OPRM1: variants seen among roughly 807,000 people sequenced by gnomAD.
OPRM1 encodes mu-type opioid receptor.
OPRM1 carries 27 observed loss-of-function variants against 31.8 expected under a neutral mutation model. The ratio of observed to expected loss-of-function variants is 0.85; its 90% CI spans 0.63 to 1.17. The LOEUF is 1.17. Among genes scored for constraint, OPRM1 ranks in the 50% most tolerant of loss-of-function variants. The probability of loss-of-function intolerance (pLI) is 0.00; values close to 1 mark genes in which losing one functional copy is unlikely to be tolerated. For missense variants in OPRM1, 536 were observed against 511.1 expected (o/e 1.05, Z -0.47); for synonymous variants, 196 against 189.9 (o/e 1.03, Z -0.26).
intron 3 of OPRM1, among the ~76,000 whole-genome samples, chr6:154,169,234 G>T (rs1799680194): frequency 6.6e-6 from 1 of 152,112 alleles, no homozygotes; most frequent in Admixed American, 6.5e-5. Flanking sequence ...GGTGGTGCGT[G>T]CCTGTCATCC....
chr6:154,213,601 C>T (rs1284144645), intron 3 of OPRM1, among the ~76,000 whole-genome samples: 1 of 152,172 alleles, frequency 6.6e-6, no homozygotes, highest in Non-Finnish European at 1.5e-5. Context: ...CTTCCAATTT[C>T]CAAGGCCTTT....
intron 1 of OPRM1, among the ~76,000 whole-genome samples, chr6:154,064,453 T>C (rs1480100782): frequency 6.6e-6 from 1 of 152,192 alleles, no homozygotes; most frequent in Non-Finnish European, 1.5e-5. Context: ...TTTTACTACA[T>C]GGATAGTGTC....
chr6:154,214,749 A>T (rs1045704505), intron 3 of OPRM1, among the ~76,000 whole-genome samples: 2 of 152,242 alleles, frequency 1.3e-5, no homozygotes, highest in African/African-American at 4.8e-5. Flanking sequence ...CAGTAAAAAA[A>T]ATCTGGCTAG....
At chr6:154,158,583 G>A (rs1798806424) in intron 3 of OPRM1, 1 of 152,062 alleles carries the variant, frequency 6.6e-6, no homozygotes, top group South Asian at 2.1e-4. Flanking sequence ...TGGGGGTTGG[G>A]GTGGGGAAGA....
At chr6:154,114,214 C>G (rs550381902) in intron 3 of OPRM1, among the ~76,000 whole-genome samples, 97 of 152,278 alleles carry the variant, frequency 6.4e-4, no homozygotes, top group Non-Finnish European at 5.7e-4. Flanking sequence ...CTTCCTTTCT[C>G]TTAGGAGAGC....
chr6:154,024,613 T>C (rs371868000), intron 1 of OPRM1, among the ~76,000 whole-genome samples: 2 of 152,032 alleles, frequency 1.3e-5, no homozygotes, highest in Admixed American at 6.5e-5. Flanking sequence ...GTTTTCCTAA[T>C]TCTTTAAGAT....
chr6:154,208,225 TC>T (rs1482740347), intron 3 of OPRM1, among the ~76,000 whole-genome samples: 14 of 152,084 alleles, frequency 9.2e-5, no homozygotes, highest in Non-Finnish European at 1.8e-4. Context: ...ACTACTCTCA[TC>T]TTGGTTCACC....
intron 1 of OPRM1, among the ~76,000 whole-genome samples, chr6:154,019,306 G>T (rs951833865): frequency 2.7e-5 from 4 of 147,012 alleles, no homozygotes; most frequent in Non-Finnish European, 1.5e-5. Context: ...TATGACCATT[G>T]CTCCCTCACA....
chr6:154,068,548 A>G (rs1418490622), intron 1 of OPRM1, among the ~76,000 whole-genome samples: 1 of 152,010 alleles, frequency 6.6e-6, no homozygotes, highest in Non-Finnish European at 1.5e-5. Flanking sequence ...CTTCTTTTTT[A>G]TGGCTAAGTC....
At position 154,093,240 on chromosome 6, in the gene OPRM1, A is replaced by C. The variant is rs9282821; in HGVS notation, c.1164+1768A>C. The C allele has an allele frequency of 0.59, 917,982 of 1,566,816 alleles. 272,523 individuals are homozygous for C. The highest frequency in any genetic ancestry group is 0.78 in the East Asian group (34,402 of 43,978). On this transcript the variant is annotated intron_variant, in intron 3 of 3. Coordinates refer to ENST00000330432, the MANE Select transcript of OPRM1 (RefSeq NM_000914.5). ...TTTCCATTGGAGCAAAATAATGGCC[A>C]TTATAAAGTACTGACTCTTTCTCCT...
intron 1 of OPRM1, among the ~76,000 whole-genome samples, chr6:154,056,417 C>G (rs774082060): frequency 6.6e-5 from 10 of 151,720 alleles, no homozygotes; most frequent in Non-Finnish European, 1.3e-4. Context: ...CCAACGCGCC[C>G]GGCCTGATGG....
rs1797642875 is a variant in OPRM1, at chr6:154,127,229, T to C, written c.*8508T>C. ...ACCATAGTGATACATGTGGCTTTTCTTTGCTGTGTTCTGAGATGTCATGCT... is the reference window on the plus strand; with the variant it reads ...ACCATAGTGATACATGTGGCTTTTCCTTGCTGTGTTCTGAGATGTCATGCT... On this transcript the variant is annotated 3_prime_UTR_variant, in exon 4 of 4. Coordinates refer to ENST00000330432, the MANE Select transcript of OPRM1 (RefSeq NM_000914.5). Among the ~76,000 whole-genome samples the C allele has an allele frequency of 6.6e-6, 1 of 152,190 alleles. No individual in the cohort carries two copies. Among genetic ancestry groups the C allele is most frequent in the African/African-American group, 2.4e-5 (1 of 41,456 alleles).
In OPRM1 at chr6:154,070,663, G is replaced by C. The variant is rs375357557; in HGVS notation, c.291-19163G>C. Among the ~76,000 whole-genome samples the C allele has an allele frequency of 5.9e-5, 9 of 152,268 alleles. No homozygotes were observed. In the East Asian group the frequency reaches 1.2e-3, roughly 20 times the overall value. On this transcript the variant is annotated intron_variant, in intron 1 of 3. Coordinates refer to ENST00000330432, the MANE Select transcript of OPRM1 (RefSeq NM_000914.5). Reference sequence around the variant, plus strand: ...TTACATTTATGGAAATTGGGACTCAGCAACTTGACTAACATCACAGACACA... The same window carrying C: ...TTACATTTATGGAAATTGGGACTCACCAACTTGACTAACATCACAGACACA...
In OPRM1 at chr6:154,186,529, C is replaced by T. The variant is rs565864653; in HGVS notation, c.1165-60164C>T. ...GCAGATGCTCCCTCATGTCCGTGCA[C>T]GGAGCCAGAGCAGCTCCTTTCTTTC... On this transcript the variant is annotated intron_variant, in intron 3 of 3. Transcript: ENST00000337049. Among the ~76,000 whole-genome samples, 5 of 152,208 alleles carry T rather than the reference C, an allele frequency of 3.3e-5. No individual in the cohort carries two copies. The East Asian group carries it at 7.7e-4, about 24-fold the overall frequency.
At chr6:154,190,628 A>G (rs1562531805) in intron 3 of OPRM1, among the ~76,000 whole-genome samples, 1 of 152,218 alleles carries the variant, frequency 6.6e-6, no homozygotes, top group Non-Finnish European at 1.5e-5. Context: ...ACATACTCTT[A>G]CCATACAATC....
At position 154,216,125 on chromosome 6, in the gene OPRM1, A is replaced by T. The variant is rs192849614; in HGVS notation, c.1165-30568A>T. Among the ~76,000 whole-genome samples, 1,211 of 152,336 alleles carry T rather than the reference A, an allele frequency of 7.9e-3. 11 individuals are homozygous for T. Among genetic ancestry groups the T allele is most frequent in the Non-Finnish European group, 8.5e-3 (577 of 68,032 alleles). ...TCACCCAACAATTCCAATCATAAAT[A>T]TCAATCCTATAGAAACACACTTTCA... On this transcript the variant is annotated intron_variant, in intron 3 of 3. Transcript: ENST00000337049.
intron 1 of OPRM1, among the ~76,000 whole-genome samples, chr6:154,058,364 C>G: frequency 6.6e-6 from 1 of 152,140 alleles, no homozygotes; most frequent in Non-Finnish European, 1.5e-5. Flanking sequence ...ATTGGGTCAG[C>G]ATTCTAGTTG....
At chr6:154,054,611 T>C (rs1782868319) in intron 1 of OPRM1, among the ~76,000 whole-genome samples, 2 of 152,248 alleles carry the variant, frequency 1.3e-5, no homozygotes, top group African/African-American at 4.8e-5. Context: ...TTTAAGGGGT[T>C]ATTTATAGAA....
Position 154,039,472 on chromosome 6 carries a change from G to A in OPRM1, c.-73G>A, listed in dbSNP as rs1177830334. The A allele has an allele frequency of 6.4e-7, 1 of 1,555,276 alleles. No homozygotes were observed. The highest frequency in any genetic ancestry group is 1.2e-5 in the South Asian group (1 of 84,382). On this transcript the variant is annotated 5_prime_UTR_variant, in exon 1 of 4. Coordinates refer to ENST00000330432, the MANE Select transcript of OPRM1 (RefSeq NM_000914.5). Reference sequence around the variant, plus strand: ...GGCAGCGGCGAAAGGAAGCGGCTGAGGCGCTTGGAACCCGAAAAGTCTCGG... The same window carrying A: ...GGCAGCGGCGAAAGGAAGCGGCTGAAGCGCTTGGAACCCGAAAAGTCTCGG...
Sources: gnomAD v4.1 joint callset for allele counts (sites outside exome capture counted in the v4.1 genomes callset) on GRCh38, gnomAD v4.1.1 for gene constraint, MANE v1.5 for transcripts, NCBI Gene and HGNC (gene_info 2026-07-23, HGNC 2026-07-21) for gene names.